The following COL6A6 variants were observed in gnomAD, a reference collection of about 807,000 sequenced individuals.
The protein encoded by COL6A6 is collagen type VI alpha 6 chain, also known as collagen alpha-6(VI) chain.
In COL6A6, 183 loss-of-function variants were observed where a neutral mutation model predicts 208.6. The ratio of observed to expected loss-of-function variants is 0.88; its 90% CI spans 0.78 to 0.99. COL6A6 has a LOEUF of 0.99. Among genes scored for constraint, COL6A6 ranks in the 50% least tolerant of loss-of-function variants. COL6A6 has a pLI of 0.00. For missense variants in COL6A6, 2,816 were observed against 2,815.2 expected (o/e 1.00, Z -0.01); for synonymous variants, 973 against 1,011.8 (o/e 0.96, Z 0.73).
chr3:130,673,575 C>G (rs961154856), intron 36 of COL6A6, among the ~76,000 whole-genome samples: 12 of 152,100 alleles, frequency 7.9e-5, no homozygotes, highest in African/African-American at 2.9e-4. Flanking sequence ...AAAGAATGCC[C>G]TTCCCATATC....
chr3:130,662,081 A>T lies in COL6A6; in HGVS notation c.6275A>T (p.Glu2092Val), dbSNP rs2065949762. Residue 2092 changes from glutamate to valine, a missense_variant, in exon 35 of 37, where the codon GAA (glutamate) becomes GTA (valine). By Grantham distance (121) the Glu-to-Val change is moderately radical (BLOSUM62 -2). Coordinates refer to ENST00000358511, the MANE Select transcript of COL6A6 (RefSeq NM_001102608.3). Reference protein sequence around the residue: ...NKVIFVISAGETSHLDGEILK... With the variant: ...NKVIFVISAGVTSHLDGEILK... ...GTCATATTTGTGATATCTGCTGGGG[A>T]AACCAGCCACTTAGATGGGGAAATC... The T allele has an allele frequency of 6.2e-7, 1 of 1,613,914 alleles. No homozygotes were observed. Among genetic ancestry groups the T allele is most frequent in the South Asian group, 1.1e-5 (1 of 91,086 alleles).
At chr3:130,591,182 A>C in intron 13 of COL6A6, 88 bp downstream of exon 13, 2 of 935,740 alleles carry the variant, frequency 2.1e-6, no homozygotes. Context: ...GGAAGCAAGA[A>C]AGGTGAGATT....
At chr3:130,531,176 G>T (rs1427241546) in intron 1 of COL6A6, among the ~76,000 whole-genome samples, 1 of 151,822 alleles carries the variant, frequency 6.6e-6, no homozygotes, top group Non-Finnish European at 1.5e-5. Flanking sequence ...TGTAGGTCCA[G>T]GCTTTTCAAC....
At chr3:130,611,913 A>T (rs1287464702) in intron 23 of COL6A6, among the ~76,000 whole-genome samples, 1 of 152,006 alleles carries the variant, frequency 6.6e-6, no homozygotes, top group African/African-American at 2.4e-5. Context: ...CTAAATAAGT[A>T]TTTTTTTCCG....
In COL6A6 at chr3:130,642,837, G is replaced by T; in HGVS notation, c.5160G>T (p.Val1720=). The change falls in exon 30 of 37, where the codon GTG becomes GTT. Residue 1720 remains valine, a synonymous_variant. Transcript: ENST00000358511. ...GEPGPPGRKG[V]KGAKGLASFS... ...TGTTTTGTTTGTTTTCCTAGGGTGT[G>T]AAAGGAGCCAAAGGCTTGGCTTCAT... is the stretch of plus-strand genomic sequence containing the variant. The T allele has an allele frequency of 6.2e-7, 1 of 1,613,824 alleles. No individual in the cohort carries two copies. The highest frequency in any genetic ancestry group is 8.5e-7 in the Non-Finnish European group (1 of 1,179,778).
chr3:130,594,459 A>G, intron 18 of COL6A6, 116 bp downstream of exon 18: 1 of 748,472 alleles, frequency 1.3e-6, no homozygotes. Flanking sequence ...CACCACAGGC[A>G]TGATTGTAAC....
At position 130,649,135 on chromosome 3, in the gene COL6A6, C is replaced by A; in HGVS notation, c.5306C>A (p.Thr1769Asn). The A allele has an allele frequency of 6.3e-7, 1 of 1,586,996 alleles. No individual in the cohort carries two copies. The highest frequency in any genetic ancestry group is 1.8e-5 in the Admixed American group (1 of 56,040). Reference protein sequence around the residue: ...VFALDHSRDVTEQEFERMKEM... With the variant: ...VFALDHSRDVNEQEFERMKEM... ...GCCCTGGACCACTCCCGGGATGTCA[C>A]TGAGCAGGAATTTGAGCGGATGAAG... The change falls in exon 33 of 37, where the codon ACT becomes AAT. Residue 1769 changes from threonine (T) to asparagine (N), a missense_variant. By Grantham distance (65) the Thr-to-Asn change is moderately conservative. Transcript: ENST00000358511.
rs1362690971 is a variant in COL6A6 at position 130,669,794 on chromosome 3, C to CAAT, written c.6596+4698_6596+4699insAAT. 7.9e-5 allele frequency among the ~76,000 whole-genome samples: 12 copies of CAAT among 152,116 alleles called. No individual in the cohort carries two copies. In the East Asian group the frequency reaches 2.3e-3, roughly 29 times the overall value. On this transcript the variant is annotated intron_variant, in intron 36 of 36. Transcript: ENST00000358511. ...GTGCATATATATTGTATCTTTAGCA[C>CAAT]GTATGAATATTACTTTTTAAAAATT...
chr3:130,608,038 A>G (rs955446452), intron 21 of COL6A6, among the ~76,000 whole-genome samples: 2 of 152,164 alleles, frequency 1.3e-5, no homozygotes, highest in African/African-American at 4.8e-5. Flanking sequence ...GCTGACAGCT[A>G]CCTTGAACCT....
chr3:130,624,319 A>C (rs541017132), intron 24 of COL6A6, among the ~76,000 whole-genome samples: 1 of 152,282 alleles, frequency 6.6e-6, no homozygotes, highest in South Asian at 2.1e-4. Flanking sequence ...GGCAAAGAGG[A>C]TGAGCTTGAG....
chr3:130,621,850 G>T lies in COL6A6; in HGVS notation c.4845G>T (p.Gly1615=). ...QGPPGPGGEA[G]NQGRLGSQGN... is the part of the protein sequence containing the mutation. ...CTCCAGGACCCGGAGGAGAGGCAGGGAATCAAGGCCGTTTGGGAAGCCAAG... is the reference window on the plus strand; with the variant it reads ...CTCCAGGACCCGGAGGAGAGGCAGGTAATCAAGGCCGTTTGGGAAGCCAAG... Residue 1615 remains glycine, a synonymous_variant, in exon 24 of 37, where the codon GGG becomes GGT. Coordinates refer to ENST00000358511, the MANE Select transcript of COL6A6 (RefSeq NM_001102608.3). 2 of 1,613,894 alleles carry T rather than the reference G, an allele frequency of 1.2e-6. No individual in the cohort carries two copies. Among genetic ancestry groups the T allele is most frequent in the Non-Finnish European group, 1.7e-6 (2 of 1,179,842 alleles).
intron 33 of COL6A6, among the ~76,000 whole-genome samples, chr3:130,656,394 T>A: frequency 6.6e-6 from 1 of 150,438 alleles, no homozygotes; most frequent in East Asian, 1.9e-4. Context: ...CAGGGTCTCC[T>A]GATGAGTGTC....
At chr3:130,559,112 A>G (rs1259958769) in intron 1 of COL6A6, among the ~76,000 whole-genome samples, 1 of 152,248 alleles carries the variant, frequency 6.6e-6, no homozygotes, top group Admixed American at 6.5e-5. Context: ...GGCAGGGCTC[A>G]TAGTGAAAGC....
intron 33 of COL6A6, among the ~76,000 whole-genome samples, chr3:130,657,936 G>A (rs753757210): frequency 3.9e-5 from 6 of 152,086 alleles, no homozygotes; most frequent in Non-Finnish European, 7.4e-5. Flanking sequence ...ATGATCTCTG[G>A]GTCAATTAGT....
At chr3:130,656,744 A>G (rs1243677689) in intron 33 of COL6A6, among the ~76,000 whole-genome samples, 3 of 152,174 alleles carry the variant, frequency 2.0e-5, no homozygotes, top group Non-Finnish European at 4.4e-5. Context: ...GCCAGTACCA[A>G]GCTGCCCTGA....
Position 130,560,408 on chromosome 3 carries a change from T to G in COL6A6, c.44T>G (p.Ile15Ser). ...TTCCTCGTGATAATTTGTTCCCATA[T>G]TTCTGTGAACCAAGATTCCGGTAAG... ...ILFLVIICSH[I>S]SVNQDSGPEY... The change falls in exon 2 of 37, where the codon ATT becomes AGT. Residue 15 changes from isoleucine to serine, a missense_variant. By Grantham distance (142) the Ile-to-Ser change is moderately radical (BLOSUM62 -2). Coordinates refer to ENST00000358511, the MANE Select transcript of COL6A6 (RefSeq NM_001102608.3). The G allele has an allele frequency of 1.2e-6, 2 of 1,611,928 alleles. No homozygotes were observed. Among genetic ancestry groups the G allele is most frequent in the Non-Finnish European group, 1.7e-6 (2 of 1,179,082 alleles).
intron 36 of COL6A6, among the ~76,000 whole-genome samples, chr3:130,672,525 C>T (rs1182947038): frequency 1.3e-5 from 2 of 151,758 alleles, no homozygotes; most frequent in Admixed American, 6.6e-5. Flanking sequence ...GCCTCAACCT[C>T]CTGAGTAGCT....
chr3:130,641,519 C>G (rs1055688842), intron 28 of COL6A6, 133 bp from the exon 29 acceptor site: 2 of 455,396 alleles, frequency 4.4e-6, no homozygotes, highest in African/African-American at 4.1e-5. Flanking sequence ...GGAAAACTCT[C>G]AATTTTCTAA....
At chr3:130,648,902 C>T (rs2065537566) in intron 32 of COL6A6, among the ~76,000 whole-genome samples, 167 bp from the exon 33 acceptor site, 1 of 152,038 alleles carries the variant, frequency 6.6e-6, no homozygotes, top group Non-Finnish European at 1.5e-5. Context: ...TTTGGAATAA[C>T]ATCTATAATT....
Sources: gnomAD v4.1 joint callset for allele counts (sites outside exome capture counted in the v4.1 genomes callset) on GRCh38, gnomAD v4.1.1 for gene constraint, MANE v1.5 for transcripts, NCBI Gene and HGNC (gene_info 2026-07-23, HGNC 2026-07-21) for gene names.